The following REPS2 variants were observed in gnomAD, a reference collection of about 807,000 sequenced individuals.
REPS2 encodes RALBP1 associated Eps domain containing 2.
A neutral mutation model predicts 53.6 loss-of-function variants in REPS2; 23 were observed. That is an observed-to-expected ratio of 0.43 (90% confidence interval 0.31 to 0.61). REPS2 has a LOEUF of 0.61. Ranked by LOEUF, REPS2 falls within the 20% of genes least tolerant of loss-of-function variation. The pLI is 0.11. For synonymous variants in REPS2, 238 were observed against 218.6 expected, an observed-to-expected ratio of 1.09 and a Z score of -0.78; for missense variants, 446 against 534.9, an observed-to-expected ratio of 0.83 and a Z score of 1.64.
the REPS2 span, among the ~76,000 whole-genome samples, chrX:17,162,702 C>T: frequency 8.9e-6 from 1 of 112,544 alleles, no homozygotes; most frequent in African/African-American, 3.2e-5. Flanking sequence ...TCCTAACATG[C>T]ACAGAGAACC....
intron 14 of REPS2, among the ~76,000 whole-genome samples, chrX:17,113,245 G>A (rs1459960899): frequency 9.6e-6 from 1 of 104,609 alleles, no homozygotes; most frequent in African/African-American, 3.5e-5. Flanking sequence ...TTGATTTTTT[G>A]CAAAGATCAA....
rs1341206198 is a variant in REPS2 at position 16,946,863 on chromosome X, T to TGGAGGCGGCAGC, written c.5_16dup (p.Glu2_Ala5dup). On this transcript the variant is annotated inframe_insertion, in exon 1 of 18. Coordinates refer to ENST00000357277, the MANE Select transcript of REPS2 (RefSeq NM_004726.3). The stretch of plus-strand genomic sequence containing the variant: ...CCGCCGCGCCCCCTTGCTGGCCCCA[T>TGGAGGCGGCAGC]GGAGGCGGCAGCGGCGGCGGCGGCG... 1.3e-6 allele frequency: 1 copy of TGGAGGCGGCAGC among 751,985 alleles called. No homozygotes were observed. The highest frequency in any genetic ancestry group is 2.6e-5 in the African/African-American group (1 of 38,859). 62.0% of individuals were successfully genotyped at this position (751,985 alleles called of 1,213,427 possible).
In REPS2 at chrX:17,022,213, T is replaced by G. The variant is rs774218727; in HGVS notation, c.488T>G (p.Ile163Ser). 1.7e-6 allele frequency: 2 copies of G among 1,207,435 alleles called. No homozygotes were observed. Among genetic ancestry groups the G allele is most frequent in the African/African-American group, 1.7e-5 (1 of 57,208 alleles). Residue 163 changes from isoleucine to serine, a missense_variant, in exon 3 of 18, where the codon ATT becomes AGT. Physicochemically the swap from Ile to Ser is moderately radical, Grantham distance 142. Coordinates refer to ENST00000357277, the MANE Select transcript of REPS2 (RefSeq NM_004726.3). ...PAELHGTKVQ[I>S]PYLTTEKNSF... ...GAGCTGCATGGAACTAAGGTTCAGA[T>G]TCCATATTTAACTACAGAAAAAAAT...
In REPS2 at chrX:17,029,039, C is replaced by T. The variant is rs745366917; in HGVS notation, c.674-487C>T. Among the ~76,000 whole-genome samples the T allele has an allele frequency of 5.4e-5, 6 of 111,633 alleles. 1 individual carries two copies. Among genetic ancestry groups the T allele is most frequent in the East Asian group, 2.8e-4 (1 of 3,594 alleles). Reference sequence around the variant, plus strand: ...AATATAAAATATATTTATTCATTTTCGTAGTCTTCTCTACATGATTTTACA... The same window carrying T: ...AATATAAAATATATTTATTCATTTTTGTAGTCTTCTCTACATGATTTTACA... On this transcript the variant is annotated intron_variant, in intron 4 of 17. Transcript: ENST00000357277.
At chrX:17,190,016 A>C in the REPS2 span, among the ~76,000 whole-genome samples, 1 of 112,171 alleles carries the variant, frequency 8.9e-6, no homozygotes, top group African/African-American at 3.2e-5. Flanking sequence ...AACCTAACCT[A>C]CACTGACTGA....
At chrX:17,195,503 A>G in the REPS2 span, among the ~76,000 whole-genome samples, 1 of 112,288 alleles carries the variant, frequency 8.9e-6, no homozygotes, top group Non-Finnish European at 1.9e-5. Context: ...AAGTAGCTCA[A>G]CAGAACCCCC....
At chrX:16,972,373 T>C (rs1425655092) in intron 1 of REPS2, among the ~76,000 whole-genome samples, 7 of 112,319 alleles carry the variant, frequency 6.2e-5, no homozygotes, top group Non-Finnish European at 7.5e-5. Context: ...TTTCTATGTG[T>C]ATATGAATGA....
At chrX:17,130,603 C>T (rs748209389) in intron 14 of REPS2, among the ~76,000 whole-genome samples, 130 of 112,054 alleles carry the variant, frequency 1.2e-3, no homozygotes, top group African/African-American at 4.0e-3. Flanking sequence ...GTTGCTCCCA[C>T]TAGACTTCAA....
intron 9 of REPS2, among the ~76,000 whole-genome samples, chrX:17,068,091 A>G (rs2147969824): frequency 9.0e-6 from 1 of 111,379 alleles, no homozygotes; most frequent in African/African-American, 3.3e-5. Flanking sequence ...AGGCGGGTGG[A>G]TCACGAGGTC....
chrX:17,043,183 G>C (rs773679396), intron 5 of REPS2, among the ~76,000 whole-genome samples: 2 of 111,249 alleles, frequency 1.8e-5, no homozygotes, highest in African/African-American at 6.5e-5. Context: ...GAAAGAGATG[G>C]GGGGGTAGGT....
chrX:16,997,093 C>T (rs529105275), intron 1 of REPS2, among the ~76,000 whole-genome samples: 1 of 112,183 alleles, frequency 8.9e-6, no homozygotes, highest in African/African-American at 3.2e-5. Context: ...TATAATTTGG[C>T]AGTACATTTG....
intron 14 of REPS2, among the ~76,000 whole-genome samples, chrX:17,109,349 C>T (rs1358765816): frequency 4.5e-5 from 5 of 111,426 alleles, no homozygotes; most frequent in Non-Finnish European, 9.4e-5. Flanking sequence ...GTTTAAAAAC[C>T]TCTCCAGGTG....
chrX:17,195,554 C>T, the REPS2 span, among the ~76,000 whole-genome samples: 11 of 112,148 alleles, frequency 9.8e-5, no homozygotes, highest in African/African-American at 2.9e-4. Flanking sequence ...CCCATCCTTT[C>T]CCAAATATAT....
intron 1 of REPS2, among the ~76,000 whole-genome samples, chrX:16,966,205 T>G (rs1234805008): frequency 1.8e-5 from 2 of 112,294 alleles, no homozygotes; most frequent in East Asian, 2.8e-4. Flanking sequence ...TTTCTTCTAC[T>G]TATCAAAATG....
intron 13 of REPS2, among the ~76,000 whole-genome samples, chrX:17,090,885 TTTTGA>T (rs1329286068): frequency 8.9e-6 from 1 of 112,034 alleles, no homozygotes. Context: ...CTTGAATCCA[TTTTGA>T]TTTAATTTTT....
intron 5 of REPS2, among the ~76,000 whole-genome samples, chrX:17,031,176 G>A (rs965215153): frequency 8.9e-6 from 1 of 112,316 alleles, no homozygotes; most frequent in Non-Finnish European, 1.9e-5. Context: ...GTATCAGTAG[G>A]ACTGGGATTT....
In REPS2 at chrX:17,106,754, C is replaced by A. The variant is rs200092264; in HGVS notation, c.1578+2975C>A. ...TAGATTCAATGATATTCCCATCAAA[C>A]TACCATTGACATTCTTCACAGAATT... On this transcript the variant is annotated intron_variant, in intron 14 of 17. Coordinates refer to ENST00000357277, the MANE Select transcript of REPS2 (RefSeq NM_004726.3). Among the ~76,000 whole-genome samples, 3 of 111,721 alleles carry A rather than the reference C, an allele frequency of 2.7e-5. No individual in the cohort carries two copies. The East Asian group carries it at 8.4e-4, about 31-fold the overall frequency.
In REPS2 at chrX:17,135,389, G is replaced by A. The variant is rs774211278; in HGVS notation, c.1791G>A (p.Pro597=). ...SGPASAATMK[P]HPTVQKQSSK... is the part of the protein sequence containing the mutation. Reference sequence around the variant, plus strand: ...CAGCTTCTGCGGCAACCATGAAACCGCATCCAACAGTCCAAAAGTAAGTAG... The same window carrying A: ...CAGCTTCTGCGGCAACCATGAAACCACATCCAACAGTCCAAAAGTAAGTAG... The change falls in exon 16 of 18, where the codon CCG becomes CCA. Residue 597 remains proline (P), a synonymous_variant. Transcript: ENST00000357277. The A allele has an allele frequency of 2.1e-5, 25 of 1,207,090 alleles. No homozygotes were observed. Among genetic ancestry groups the A allele is most frequent in the Non-Finnish European group, 2.7e-5 (24 of 894,423 alleles).
the REPS2 span, among the ~76,000 whole-genome samples, chrX:17,164,976 C>G: frequency 9.0e-6 from 1 of 111,191 alleles, no homozygotes; most frequent in African/African-American, 3.3e-5. Flanking sequence ...CTTAGCTCCC[C>G]TTCTCCCATT....
Sources: allele counts gnomAD v4.1 joint callset (sites outside exome capture counted in the v4.1 genomes callset), GRCh38; gene constraint gnomAD v4.1.1; transcripts MANE v1.5; gene names NCBI Gene and HGNC (gene_info 2026-07-23, HGNC 2026-07-21).